Variants in DYNC2H1 observed in about 807,000 individuals in gnomAD.
DYNC2H1 encodes the protein cytoplasmic dynein 2 heavy chain 1.
In DYNC2H1, 410 loss-of-function variants were observed where a neutral mutation model predicts 570.0. The ratio of observed to expected loss-of-function variants is 0.72; its 90% CI spans 0.66 to 0.78. The LOEUF is 0.78. DYNC2H1 is among the 30% of genes least tolerant of loss of function. The pLI is 0.00. For synonymous variants in DYNC2H1, 1,688 were observed against 1,677.6 expected (o/e 1.01, Z -0.15); for missense variants, 4,865 against 5,046.4 (o/e 0.96, Z 1.09).
At chr11:103,442,345 A>C (rs1944297597) in intron 85 of DYNC2H1, among the ~76,000 whole-genome samples, 1 of 152,136 alleles carries the variant, frequency 6.6e-6, no homozygotes, top group African/African-American at 2.4e-5. Flanking sequence ...CTTGAAATTA[A>C]AGATTAATAT....
At chr11:103,271,735 A>G (rs1865716499) in intron 70 of DYNC2H1, among the ~76,000 whole-genome samples, 3 of 152,238 alleles carry the variant, frequency 2.0e-5, no homozygotes, top group Admixed American at 2.0e-4. Context: ...ATACAGAGGA[A>G]TAAACTAAGA....
intron 84 of DYNC2H1, among the ~76,000 whole-genome samples, chr11:103,431,140 C>T (rs2135741668): frequency 6.7e-6 from 1 of 148,870 alleles, no homozygotes; most frequent in East Asian, 2.0e-4. Context: ...TGACATCTTT[C>T]ATGAAATGCA....
rs869048472 is a variant in DYNC2H1 at position 103,459,969 on chromosome 11, GA to G, written c.12648+3627del. Among the ~76,000 whole-genome samples the G allele has an allele frequency of 7.3e-4, 91 of 124,408 alleles. 2 individuals are homozygous for G. Among genetic ancestry groups the G allele is most frequent in the South Asian group, 7.1e-3 (25 of 3,530 alleles). 81.6% of individuals were successfully genotyped at this position (124,408 alleles called of 152,430 possible). A position where few individuals can be genotyped will look rare whatever the true frequency, so the allele number is the denominator to read the frequency against. ...GCGAGACTCCGTCTCAAAAAAAAAA[GA>G]AAAAAAAAAAAAAGCTGAAGGACTT... On this transcript the variant is annotated intron_variant, in intron 87 of 88. Coordinates refer to ENST00000375735, the MANE Select transcript of DYNC2H1 (RefSeq NM_001377.3).
chr11:103,304,525 C>T, intron 76 of DYNC2H1, 70 bp from the exon 77 acceptor site: 1 of 1,503,188 alleles, frequency 6.7e-7, no homozygotes, highest in South Asian at 1.3e-5. Flanking sequence ...ATTATTGAAT[C>T]TCATACTGTT....
At chr11:103,221,901 G>T in intron 57 of DYNC2H1, 129 bp from the exon 58 acceptor site, 5 of 909,914 alleles carry the variant, frequency 5.5e-6, no homozygotes, top group Non-Finnish European at 8.2e-6. Flanking sequence ...AAGCTTAAAG[G>T]TTTTAATACC....
rs1860211871 is a variant in DYNC2H1 at position 103,145,762 on chromosome 11, G to C, written c.2703-2010G>C. ...TGATGTATTTTAGATAGTATCATAA[G>C]AAAATCATTTTTGAATATGCATCTT... is the stretch of plus-strand genomic sequence containing the variant. On this transcript the variant is annotated intron_variant, in intron 18 of 88. Coordinates refer to ENST00000375735, the MANE Select transcript of DYNC2H1 (RefSeq NM_001377.3). The surrounding 1 kb of genome is among the most constrained non-coding windows in gnomAD (Gnocchi z 4.2). Among the ~76,000 whole-genome samples the C allele has an allele frequency of 6.6e-6, 1 of 152,142 alleles. No homozygotes were observed. The highest frequency in any genetic ancestry group is 1.5e-5 in the Non-Finnish European group (1 of 67,998).
intron 18 of DYNC2H1, among the ~76,000 whole-genome samples, chr11:103,146,672 G>A (rs1280095089): frequency 6.6e-6 from 1 of 151,286 alleles, no homozygotes; most frequent in African/African-American, 2.4e-5. Flanking sequence ...GTGTGATCTC[G>A]GCTTACTGCA....
In DYNC2H1 at chr11:103,468,629, A is replaced by G. The variant is rs1945272071; in HGVS notation, c.12689A>G (p.Asn4230Ser). ...CTAGAAGGATGTAGTTTTGATGGAA[A>G]TCAACTTTCTGAAAATCAGCTTGAT... The part of the protein sequence containing the change: ...LLLEGCSFDG[N>S]QLSENQLDSP... The change falls in exon 88 of 89, where the codon AAT becomes AGT. Residue 4230 changes from asparagine (N) to serine (S), a missense_variant. Physicochemically the swap from Asn to Ser is conservative, Grantham distance 46. Coordinates refer to ENST00000375735, the MANE Select transcript of DYNC2H1 (RefSeq NM_001377.3). 6.2e-7 allele frequency: 1 copy of G among 1,613,708 alleles called. No individual in the cohort carries two copies. The highest frequency in any genetic ancestry group is 8.5e-7 in the Non-Finnish European group (1 of 1,179,722).
At chr11:103,370,808 C>A (rs933651658) in intron 83 of DYNC2H1, among the ~76,000 whole-genome samples, 4 of 152,102 alleles carry the variant, frequency 2.6e-5, no homozygotes, top group African/African-American at 7.2e-5. Flanking sequence ...GATCACAACA[C>A]CCAAGTCCTT....
At chr11:103,291,134 G>A (rs558050431) in intron 75 of DYNC2H1, among the ~76,000 whole-genome samples, 1 of 152,238 alleles carries the variant, frequency 6.6e-6, no homozygotes, top group East Asian at 1.9e-4. Flanking sequence ...TTTGATAGCT[G>A]ACCTATTAAT....
At chr11:103,158,852 C>A in intron 27 of DYNC2H1, 43 bp downstream of exon 27, 1 of 1,486,146 alleles carries the variant, frequency 6.7e-7, no homozygotes, top group African/African-American at 1.4e-5. Flanking sequence ...TTGTAAAGTA[C>A]TTGATATCTT....
At chr11:103,173,346 C>A in intron 35 of DYNC2H1, 41 bp downstream of exon 35, 2 of 1,358,246 alleles carry the variant, frequency 1.5e-6, no homozygotes, top group Non-Finnish European at 9.7e-7. Flanking sequence ...TTTTACATTT[C>A]TAATGATTGA....
At chr11:103,458,638 T>C (rs1391553341) in intron 87 of DYNC2H1, among the ~76,000 whole-genome samples, 2 of 150,452 alleles carry the variant, frequency 1.3e-5, no homozygotes, top group African/African-American at 4.9e-5. Context: ...TCTATTTCTT[T>C]CGTAGTACAA....
intron 75 of DYNC2H1, among the ~76,000 whole-genome samples, chr11:103,288,750 G>C (rs969983305): frequency 6.8e-6 from 1 of 147,340 alleles, no homozygotes; most frequent in Non-Finnish European, 1.5e-5. Context: ...GCATGGTGGC[G>C]AGTGCCTGTA....
chr11:103,397,025 C>T (rs554122559), intron 83 of DYNC2H1, among the ~76,000 whole-genome samples: 6 of 152,150 alleles, frequency 3.9e-5, no homozygotes, highest in Non-Finnish European at 5.9e-5. Flanking sequence ...GCACATTGTA[C>T]TTCATAGGTG....
intron 45 of DYNC2H1, among the ~76,000 whole-genome samples, chr11:103,190,394 A>G (rs1353928014): frequency 1.3e-5 from 2 of 152,224 alleles, no homozygotes; most frequent in Non-Finnish European, 2.9e-5. Flanking sequence ...TAAATAAGCT[A>G]TTAATGCAGT....
chr11:103,248,610 C>T (rs1864712258), intron 65 of DYNC2H1, among the ~76,000 whole-genome samples: 1 of 151,976 alleles, frequency 6.6e-6, no homozygotes, highest in Non-Finnish European at 1.5e-5. Flanking sequence ...TCATAGTAAA[C>T]CTTCAGCAGC....
chr11:103,474,302 A>C (rs11225822), intron 88 of DYNC2H1, among the ~76,000 whole-genome samples: 12,062 of 152,136 alleles, frequency 0.079, 488 homozygotes, highest in Non-Finnish European at 0.095. Flanking sequence ...ATACATTAGA[A>C]CTCCGATTTC....
intron 75 of DYNC2H1, among the ~76,000 whole-genome samples, chr11:103,288,840 C>T (rs1475199494): frequency 2.7e-5 from 4 of 147,850 alleles, no homozygotes; most frequent in African/African-American, 5.0e-5. Context: ...GATATCATAC[C>T]GCTGCACTCC....
Sources: gnomAD v4.1 joint callset for allele counts (sites outside exome capture counted in the v4.1 genomes callset) on GRCh38, gnomAD v4.1.1 for gene constraint, Gnocchi (gnomAD v3.1) non-coding constraint, MANE v1.5 for transcripts, NCBI Gene and HGNC (gene_info 2026-07-23, HGNC 2026-07-21) for gene names.